KIT: variants seen among roughly 807,000 people sequenced by gnomAD.
KIT encodes mast/stem cell growth factor receptor Kit.
Under a neutral mutation model 105.7 loss-of-function variants are expected in KIT, and 16 were observed. That is an observed-to-expected ratio of 0.15 (90% CI 0.10 to 0.23). The LOEUF (loss-of-function observed/expected upper bound fraction) is 0.23. Ranked by LOEUF, KIT falls within the 10% of genes least tolerant of loss-of-function variation. The pLI is 1.00. For synonymous variants in KIT, 438 were observed against 441.1 expected, an observed-to-expected ratio of 0.99 and a Z score of 0.09; for missense variants, 858 against 1,213.8, an observed-to-expected ratio of 0.71 and a Z score of 4.36.
At chr4:54,686,786 C>A (rs1401952899) in intron 1 of KIT, among the ~76,000 whole-genome samples, 1 of 152,178 alleles carries the variant, frequency 6.6e-6, no homozygotes, top group Non-Finnish European at 1.5e-5. Flanking sequence ...CTCAAGTGAT[C>A]TGCCTGCCTC....
intron 7 of KIT, 87 bp from the exon 8 acceptor site, chr4:54,723,497 A>ATCC: frequency 1.2e-6 from 1 of 848,416 alleles, no homozygotes; most frequent in South Asian, 1.4e-5. Context: ...AGCCTCAGGA[A>ATCC]GGTTGTAGGG....
At chr4:54,697,827 A>G (rs976268917) in intron 2 of KIT, among the ~76,000 whole-genome samples, 2 of 152,218 alleles carry the variant, frequency 1.3e-5, no homozygotes, top group South Asian at 2.1e-4. Context: ...TGCTCTCACT[A>G]GGAATCATCA....
chr4:54,737,224 A>G lies in KIT; in HGVS notation c.2746A>G (p.Thr916Ala), dbSNP rs1453023259. 5.0e-6 allele frequency: 8 copies of G among 1,613,920 alleles called. No individual in the cohort carries two copies. Among genetic ancestry groups the G allele is most frequent in the Admixed American group, 1.7e-5 (1 of 59,998 alleles). Residue 916 changes from threonine (T) to alanine (A), a missense_variant, in exon 20 of 21, where the codon ACA becomes GCA. Transcript: ENST00000288135. ...CWDADPLKRP[T>A]FKQIVQLIEK... ...GGATGCAGATCCCCTAAAAAGACCA[A>G]CATTCAAGCAAATTGTTCAGCTAAT...
chr4:54,683,650 C>G (rs1719103773), intron 1 of KIT, among the ~76,000 whole-genome samples: 1 of 152,202 alleles, frequency 6.6e-6, no homozygotes, highest in Non-Finnish European at 1.5e-5. Context: ...GACAGATGTC[C>G]TGTCTCTAAA....
Position 54,736,792 on chromosome 4 carries a change from C to T in KIT, c.2668C>T (p.Leu890Phe), listed in dbSNP as rs1722945534. ...GATGATCAAGGAAGGCTTCCGGATGCTCAGCCCTGAACACGCACCTGCTGA... is the reference window on the plus strand; with the variant it reads ...GATGATCAAGGAAGGCTTCCGGATGTTCAGCCCTGAACACGCACCTGCTGA... ...YKMIKEGFRM[L>F]SPEHAPAEMY... is the part of the protein sequence containing the mutation. Residue 890 changes from leucine (L) to phenylalanine (F), a missense_variant, in exon 19 of 21, where the codon CTC becomes TTC. Leu to Phe is a conservative substitution (Grantham distance 22). Transcript: ENST00000288135. 2 of 1,614,020 alleles carry T rather than the reference C, an allele frequency of 1.2e-6. No individual in the cohort carries two copies. The highest frequency in any genetic ancestry group is 2.7e-5 in the African/African-American group (2 of 74,936).
chr4:54,703,895 A>G lies in KIT; in HGVS notation c.925+3A>G, dbSNP rs1060502561. ...CACAACAACCTTGGAAGTAGTAGGT[A>G]AATACCTCTATGGGAATGTTTAAAT... On this transcript the variant is annotated splice_donor_region_variant and intron_variant, in intron 5 of 20. Transcript: ENST00000288135. The G allele has an allele frequency of 6.2e-7, 1 of 1,607,590 alleles. No individual in the cohort carries two copies. Among genetic ancestry groups the G allele is most frequent in the Middle Eastern group, 1.7e-4 (1 of 6,048 alleles).
At chr4:54,659,378 AT>A (rs1717069609) in intron 1 of KIT, among the ~76,000 whole-genome samples, 1 of 152,116 alleles carries the variant, frequency 6.6e-6, no homozygotes, top group Non-Finnish European at 1.5e-5. Context: ...AAGCCCTGCT[AT>A]CTCCCAGGTC....
At chr4:54,661,736 C>T (rs970941607) in intron 1 of KIT, among the ~76,000 whole-genome samples, 6 of 152,150 alleles carry the variant, frequency 3.9e-5, no homozygotes, top group African/African-American at 1.4e-4. Flanking sequence ...GCTATAAGTC[C>T]GGATTGAAGA....
At chr4:54,682,722 G>A (rs1464873336) in intron 1 of KIT, among the ~76,000 whole-genome samples, 2 of 149,744 alleles carry the variant, frequency 1.3e-5, no homozygotes, top group Non-Finnish European at 3.0e-5. Flanking sequence ...GAGCCACTGC[G>A]CCCGGCCGAT....
At chr4:54,730,059 A>T (rs1469427530) in intron 14 of KIT, among the ~76,000 whole-genome samples, 2 of 152,166 alleles carry the variant, frequency 1.3e-5, no homozygotes, top group Non-Finnish European at 2.9e-5. Flanking sequence ...TCTGGACATT[A>T]TTCTCATCTC....
At chr4:54,677,805 TAAG>T (rs1213587854) in intron 1 of KIT, among the ~76,000 whole-genome samples, 1 of 152,220 alleles carries the variant, frequency 6.6e-6, no homozygotes. Flanking sequence ...TTGTCTAAAA[TAAG>T]AAACTCAGCC....
At chr4:54,675,584 ATTAT>A (rs1718409798) in intron 1 of KIT, among the ~76,000 whole-genome samples, 1 of 152,242 alleles carries the variant, frequency 6.6e-6, no homozygotes, top group African/African-American at 2.4e-5. Context: ...TTTTGGCCTA[ATTAT>A]TTTCTGTTTT....
chr4:54,735,618 C>A (rs1269915393), intron 17 of KIT, among the ~76,000 whole-genome samples: 3 of 152,070 alleles, frequency 2.0e-5, no homozygotes, highest in Non-Finnish European at 4.4e-5. Flanking sequence ...CTGAGTCAGG[C>A]GGTGCTAAGC....
At chr4:54,715,906 T>C (rs1180262955) in intron 7 of KIT, among the ~76,000 whole-genome samples, 1 of 152,130 alleles carries the variant, frequency 6.6e-6, no homozygotes, top group Non-Finnish European at 1.5e-5. Flanking sequence ...TCAGATTTGG[T>C]CCTTAAGGCC....
At chr4:54,728,699 A>G (rs531841802) in intron 13 of KIT, among the ~76,000 whole-genome samples, 1 of 152,346 alleles carries the variant, frequency 6.6e-6, no homozygotes, top group Admixed American at 6.5e-5. Context: ...GCCTTATATC[A>G]TGTCTTCCAA....
intron 1 of KIT, among the ~76,000 whole-genome samples, chr4:54,679,026 G>C (rs1017157587): frequency 2.0e-5 from 3 of 151,916 alleles, no homozygotes; most frequent in Non-Finnish European, 4.4e-5. Context: ...GGCCACCCAG[G>C]GTGAGTTCCT....
chr4:54,721,379 G>A (rs753903786), intron 7 of KIT, among the ~76,000 whole-genome samples: 7 of 152,156 alleles, frequency 4.6e-5, no homozygotes, highest in South Asian at 2.1e-4. Context: ...TTCTTGTGTC[G>A]TGTCCTACTT....
chr4:54,698,154 T>C, intron 2 of KIT, 130 bp from the exon 3 acceptor site: 1 of 953,318 alleles, frequency 1.0e-6, no homozygotes, highest in Admixed American at 2.0e-5. Context: ...AATTTTGCTT[T>C]TGTTTACACA....
At chr4:54,698,670 C>A in intron 3 of KIT, 105 bp downstream of exon 3, 1 of 1,254,224 alleles carries the variant, frequency 8.0e-7, no homozygotes, top group Non-Finnish European at 1.2e-6. Context: ...AGGGAGCTAG[C>A]TGTTCATAGT....
Sources: allele counts gnomAD v4.1 joint callset (sites outside exome capture counted in the v4.1 genomes callset), GRCh38; gene constraint gnomAD v4.1.1; transcripts MANE v1.5; gene names NCBI Gene and HGNC (gene_info 2026-07-23, HGNC 2026-07-21).